FAM53A: variants seen among roughly 807,000 people sequenced by gnomAD.
The protein encoded by FAM53A is family with sequence similarity 53 member A.
A neutral mutation model predicts 26.6 loss-of-function variants in FAM53A; 28 were observed. The observed-to-expected ratio is 1.05, with a 90% CI of 0.78 to 1.45. FAM53A has a LOEUF of 1.45. Among genes scored for constraint, FAM53A ranks in the 40% most tolerant of loss-of-function variants. The pLI is 0.00. For synonymous variants in FAM53A, 290 were observed against 253.1 expected, an observed-to-expected ratio of 1.15 and a Z score of -1.38; for missense variants, 650 against 575.8, an observed-to-expected ratio of 1.13 and a Z score of -1.32.
intron 1 of FAM53A, among the ~76,000 whole-genome samples, chr4:1,676,316 A>T: frequency 6.6e-6 from 1 of 152,098 alleles, no homozygotes. Context: ...GCCTGTGTGC[A>T]AGTCTCCCCA....
chr4:1,592,074 G>A, the FAM53A span, among the ~76,000 whole-genome samples: 2 of 152,114 alleles, frequency 1.3e-5, no homozygotes, highest in Non-Finnish European at 2.9e-5. Context: ...AAAGAGAGAC[G>A]CTGCTAAGAT....
intron 1 of FAM53A, among the ~76,000 whole-genome samples, chr4:1,682,461 C>G (rs1577165805): frequency 6.6e-6 from 1 of 152,090 alleles, no homozygotes. Context: ...CGGGGTTTCA[C>G]CATGTTGGCC....
At chr4:1,617,855 G>A (rs369095867), downstream of FAM53A, 5 of 362,758 alleles carry the variant, frequency 1.4e-5, no homozygotes, top group East Asian at 1.5e-4. Flanking sequence ...GGGTGCCTGC[G>A]CCCACCCCTT....
chr4:1,632,610 C>T (rs779825679), intron 1 of FAM53A, among the ~76,000 whole-genome samples: 13 of 152,230 alleles, frequency 8.5e-5, no homozygotes, highest in South Asian at 2.1e-4. Context: ...AGTAGAGCCA[C>T]GGGGACAAAG....
the FAM53A span, among the ~76,000 whole-genome samples, chr4:1,580,704 C>A: frequency 6.8e-6 from 1 of 147,158 alleles, no homozygotes; most frequent in Admixed American, 6.7e-5. Flanking sequence ...CGCTCAGGGA[C>A]CCGCCTCCTG....
chr4:1,617,693 T>G (rs1308856444), downstream of FAM53A, among the ~76,000 whole-genome samples: 1 of 152,196 alleles, frequency 6.6e-6, no homozygotes, highest in African/African-American at 2.4e-5. Context: ...GCCACTCTTT[T>G]TTAGGTCCGC....
downstream of FAM53A, among the ~76,000 whole-genome samples, chr4:1,635,277 T>C (rs1715789948): frequency 6.8e-6 from 1 of 148,094 alleles, no homozygotes; most frequent in South Asian, 2.1e-4. Context: ...TTTCTGGGTT[T>C]TGTTTTGTTT....
At chr4:1,685,400 A>T (rs940288864), upstream of FAM53A, among the ~76,000 whole-genome samples, 3 of 151,420 alleles carry the variant, frequency 2.0e-5, no homozygotes, top group African/African-American at 7.3e-5. Context: ...TCCCCTGGCC[A>T]CCGTGGGGCT....
intron 1 of FAM53A, among the ~76,000 whole-genome samples, chr4:1,673,061 C>T (rs1488856413): frequency 6.6e-6 from 1 of 152,198 alleles, no homozygotes; most frequent in Admixed American, 6.5e-5. Flanking sequence ...TGTATCACCA[C>T]CACGCCTGGC....
At chr4:1,673,820 G>C (rs1714847942) in intron 1 of FAM53A, among the ~76,000 whole-genome samples, 1 of 152,256 alleles carries the variant, frequency 6.6e-6, no homozygotes, top group South Asian at 2.1e-4. Flanking sequence ...GCAGTGTCAA[G>C]GCAGCAGCTC....
chr4:1,619,879 C>T (rs1175965331), intron 1 of FAM53A, among the ~76,000 whole-genome samples: 1 of 152,216 alleles, frequency 6.6e-6, no homozygotes, highest in Non-Finnish European at 1.5e-5. Flanking sequence ...GCTGTCCTCT[C>T]TCGCCTCATG....
At chr4:1,599,292 T>G in the FAM53A span, among the ~76,000 whole-genome samples, 24 of 45,652 alleles carry the variant, frequency 5.3e-4, no homozygotes, top group South Asian at 1.7e-3. This position sits in a 1 kb window ranked among gnomAD's most constrained non-coding sequence, Gnocchi z 6.1. Context: ...GTGCCGGAGC[T>G]CAGGGCCGTC....
chr4:1,634,107 G>A (rs1715733565), intron 1 of FAM53A, among the ~76,000 whole-genome samples: 1 of 152,174 alleles, frequency 6.6e-6, no homozygotes, highest in Admixed American at 6.5e-5. Context: ...AGCCTGTGAG[G>A]GAACCGGGGC....
the FAM53A span, among the ~76,000 whole-genome samples, chr4:1,601,298 G>A: frequency 2.0e-4 from 10 of 50,844 alleles, 2 homozygotes; most frequent in East Asian, 2.2e-3. Context: ...CTTTCCGGGG[G>A]CCCCCCGTAC....
At chr4:1,665,332 T>C (rs1466803026) in intron 2 of FAM53A, among the ~76,000 whole-genome samples, 3 of 149,298 alleles carry the variant, frequency 2.0e-5, no homozygotes, top group African/African-American at 7.4e-5. Flanking sequence ...AAAAAAAAAA[T>C]TAAAAAATAG....
At chr4:1,613,433 C>T (rs186793737), downstream of FAM53A, among the ~76,000 whole-genome samples, 17 of 152,368 alleles carry the variant, frequency 1.1e-4, no homozygotes, top group East Asian at 3.1e-3. Context: ...ACCTAACCAT[C>T]TCCCAAAGGC....
chr4:1,595,906 G>C, the FAM53A span, among the ~76,000 whole-genome samples: 1 of 152,218 alleles, frequency 6.6e-6, no homozygotes, highest in African/African-American at 2.4e-5. Flanking sequence ...TGTGGTGCAG[G>C]TGCTCAGTGA....
the FAM53A span, among the ~76,000 whole-genome samples, chr4:1,575,449 C>G: frequency 6.6e-6 from 1 of 152,084 alleles, no homozygotes; most frequent in African/African-American, 2.4e-5. Context: ...TGCGGTCTGG[C>G]AGGGGCCACA....
chr4:1,578,569 T>A, the FAM53A span, among the ~76,000 whole-genome samples: 1 of 150,980 alleles, frequency 6.6e-6, no homozygotes, highest in Non-Finnish European at 1.5e-5. Context: ...GGGCAGAAGA[T>A]TTGTCGTGAG....
Sources: gnomAD v4.1 joint callset for allele counts (sites outside exome capture counted in the v4.1 genomes callset) on GRCh38, gnomAD v4.1.1 for gene constraint, Gnocchi (gnomAD v3.1) non-coding constraint, MANE v1.5 for transcripts, NCBI Gene and HGNC (gene_info 2026-07-23, HGNC 2026-07-21) for gene names.